The following HTR4 variants were observed in gnomAD, a reference collection of about 807,000 sequenced individuals.
HTR4 encodes 5-hydroxytryptamine (serotonin) receptor 4, G protein-coupled.
In HTR4, 16 loss-of-function variants were observed where a neutral mutation model predicts 36.8. The ratio of observed to expected loss-of-function variants is 0.43; its 90% CI spans 0.29 to 0.66. HTR4 has a LOEUF of 0.66. HTR4 is among the 30% of genes least tolerant of loss of function. The pLI is 0.13. For missense variants in HTR4, 438 were observed against 490.9 expected (o/e 0.89, Z 1.02); for synonymous variants, 189 against 185.1 (o/e 1.02, Z -0.17).
At chr5:148,556,077 G>A (rs1581471866) in intron 2 of HTR4, among the ~76,000 whole-genome samples, 1 of 152,132 alleles carries the variant, frequency 6.6e-6, no homozygotes, top group African/African-American at 2.4e-5. Context: ...AAGCTGGAGT[G>A]CAGTGGCACA....
At chr5:148,602,382 T>C (rs921121741) in intron 2 of HTR4, among the ~76,000 whole-genome samples, 2 of 152,140 alleles carry the variant, frequency 1.3e-5, no homozygotes, top group Admixed American at 1.3e-4. Context: ...AAATAAACCA[T>C]GGGTCACAGA....
chr5:148,648,784 T>C (rs1753948419), intron 1 of HTR4, among the ~76,000 whole-genome samples: 2 of 152,158 alleles, frequency 1.3e-5, no homozygotes, highest in Non-Finnish European at 2.9e-5. Context: ...TTCTCTTTCT[T>C]GAGAGTCTGA....
intron 2 of HTR4, among the ~76,000 whole-genome samples, chr5:148,627,506 A>G (rs1282530155): frequency 2.0e-5 from 3 of 152,230 alleles, no homozygotes; most frequent in Non-Finnish European, 4.4e-5. Context: ...GTTGATAGAG[A>G]AAGTTGAGAA....
chr5:148,573,490 G>A (rs957951562), intron 2 of HTR4, among the ~76,000 whole-genome samples: 5 of 152,148 alleles, frequency 3.3e-5, no homozygotes, highest in Middle Eastern at 3.4e-3. Flanking sequence ...GAAATAGAAC[G>A]TGGGGGGTTA....
At chr5:148,526,883 G>A (rs943684971) in intron 4 of HTR4, among the ~76,000 whole-genome samples, 1 of 152,106 alleles carries the variant, frequency 6.6e-6, no homozygotes, top group Admixed American at 6.6e-5. Flanking sequence ...GGGGTAGTAT[G>A]TAGGGGGAGT....
intron 2 of HTR4, among the ~76,000 whole-genome samples, chr5:148,605,622 T>A (rs1196638551): frequency 6.6e-6 from 1 of 151,986 alleles, no homozygotes; most frequent in Non-Finnish European, 1.5e-5. Flanking sequence ...TTACTACCTA[T>A]ATTGAAGGAC....
rs115776173 is a variant in HTR4, at chr5:148,558,556, T to C, written c.27-8294A>G. Among the ~76,000 whole-genome samples, 1,424 of 152,330 alleles carry C rather than the reference T, an allele frequency of 9.3e-3. 20 individuals carry two copies. The highest frequency in any genetic ancestry group is 0.032 in the African/African-American group (1,312 of 41,576). The stretch of plus-strand genomic sequence containing the variant: ...TTTGAAAGGAAATCATCAAGAAATA[T>C]AGTGCTCCTATCTCTCAGTCTGTAG... On this transcript the variant is annotated intron_variant, in intron 2 of 6. Transcript: ENST00000377888.
At position 148,654,183 on chromosome 5, in the gene HTR4, C is replaced by T; in HGVS notation, c.-169G>A. ...CTCCCAGCCGCTGCCTGCGCCCTCC[C>T]TGCCGCCCCCTCGGGTGCGGGCTCC... On this transcript the variant is annotated 5_prime_UTR_variant, in exon 1 of 7. Transcript: ENST00000377888. 1 of 985,518 alleles carries T rather than the reference C, an allele frequency of 1.0e-6. No individual in the cohort carries two copies. 61.0% of individuals were successfully genotyped at this position (985,518 alleles called of 1,614,324 possible). A position where few individuals can be genotyped will look rare whatever the true frequency, so the allele number is the denominator to read the frequency against.
intron 1 of HTR4, among the ~76,000 whole-genome samples, chr5:148,641,133 G>A (rs957022984): frequency 9.8e-5 from 15 of 152,344 alleles, no homozygotes; most frequent in African/African-American, 3.6e-4. Context: ...TGCATAGGGT[G>A]AGGGGGATGT....
chr5:148,486,856 A>C (rs1220672116), intron 6 of HTR4, among the ~76,000 whole-genome samples: 1 of 152,182 alleles, frequency 6.6e-6, no homozygotes, highest in African/African-American at 2.4e-5. Flanking sequence ...TGTTAAACGT[A>C]TTTGGGTAGG....
chr5:148,612,348 C>A (rs1425672516), intron 2 of HTR4, among the ~76,000 whole-genome samples: 3 of 150,406 alleles, frequency 2.0e-5, no homozygotes, highest in Admixed American at 2.0e-4. Flanking sequence ...ACAGTGCAAT[C>A]AAACTAGAAC....
chr5:148,518,273 C>G (rs1265342313), intron 5 of HTR4, among the ~76,000 whole-genome samples: 1 of 152,040 alleles, frequency 6.6e-6, no homozygotes, highest in East Asian at 1.9e-4. Context: ...CACTTATTGT[C>G]TGCCTCTCTT....
intron 5 of HTR4, among the ~76,000 whole-genome samples, chr5:148,455,624 A>G (rs967072766): frequency 6.6e-6 from 1 of 152,182 alleles, no homozygotes; most frequent in South Asian, 2.1e-4. Context: ...CACGTTTTCC[A>G]GTTACAGTTG....
At chr5:148,562,887 C>G (rs1760276500) in intron 2 of HTR4, among the ~76,000 whole-genome samples, 1 of 152,168 alleles carries the variant, frequency 6.6e-6, no homozygotes, top group Non-Finnish European at 1.5e-5. Context: ...CAATGTCATA[C>G]CATTCTAGTT....
chr5:148,453,580 C>A, intron 5 of HTR4, among the ~76,000 whole-genome samples: 1 of 152,104 alleles, frequency 6.6e-6, no homozygotes, highest in Non-Finnish European at 1.5e-5. Flanking sequence ...GAGGTTCGAT[C>A]CTGCCTGGCA....
At chr5:148,494,997 G>A (rs555390015) in intron 6 of HTR4, among the ~76,000 whole-genome samples, 1 of 152,262 alleles carries the variant, frequency 6.6e-6, no homozygotes, top group East Asian at 1.9e-4. Flanking sequence ...AAGTTAGATA[G>A]GCAATAAGTT....
At chr5:148,500,854 G>T (rs531381066) in intron 6 of HTR4, among the ~76,000 whole-genome samples, 7 of 152,196 alleles carry the variant, frequency 4.6e-5, no homozygotes, top group African/African-American at 1.7e-4. Context: ...AAATATGAAA[G>T]ATTGATAATA....
At chr5:148,547,721 G>A (rs1266554712) in intron 4 of HTR4, among the ~76,000 whole-genome samples, 1 of 151,712 alleles carries the variant, frequency 6.6e-6, no homozygotes, top group Non-Finnish European at 1.5e-5. Context: ...AGTGAGACTT[G>A]TCCCTATAAA....
In HTR4 at chr5:148,609,581, G is replaced by GTTT. The variant is rs5872086; in HGVS notation, c.26+27405_26+27407dup. 9.5e-3 allele frequency among the ~76,000 whole-genome samples: 1,363 copies of GTTT among 143,344 alleles called. 29 individuals are homozygous for GTTT. The highest frequency in any genetic ancestry group is 0.033 in the African/African-American group (1,291 of 38,874). 94.0% of individuals were successfully genotyped at this position (143,344 alleles called of 152,430 possible). A position where few individuals can be genotyped will look rare whatever the true frequency, so the allele number is the denominator to read the frequency against. Reference sequence around the variant, plus strand: ...GCTTGTGTATAAGGAATTTTTAAGGGTTTTTTTTTTTTTTTGAGACTCCGC... The same window carrying GTTT: ...GCTTGTGTATAAGGAATTTTTAAGGGTTTTTTTTTTTTTTTTTTGAGACTCCGC... On this transcript the variant is annotated intron_variant, in intron 2 of 6. Coordinates refer to ENST00000377888, the MANE Select transcript of HTR4 (RefSeq NM_000870.7).
Sources: allele counts gnomAD v4.1 joint callset (sites outside exome capture counted in the v4.1 genomes callset), GRCh38; gene constraint gnomAD v4.1.1; transcripts MANE v1.5; gene names NCBI Gene and HGNC (gene_info 2026-07-23, HGNC 2026-07-21).